The following DCAF17 variants were observed in gnomAD, a reference collection of about 807,000 sequenced individuals.
DCAF17 encodes the protein DDB1 and CUL4 associated factor 17, also known as DDB1- and CUL4-associated factor 17.
In DCAF17, 48 loss-of-function variants were observed where a neutral mutation model predicts 66.0. That is an observed-to-expected ratio of 0.73 (90% CI 0.58 to 0.92). The LOEUF (loss-of-function observed/expected upper bound fraction) is 0.92. DCAF17 is among the 40% of genes least tolerant of loss of function. The probability of loss-of-function intolerance (pLI) is 0.00; values close to 1 mark genes in which losing one functional copy is unlikely to be tolerated. For missense variants in DCAF17, 562 were observed against 622.8 expected (o/e 0.90, Z 1.04); for synonymous variants, 206 against 214.6 (o/e 0.96, Z 0.35).
rs535795872 is a variant in DCAF17 at position 171,479,831 on chromosome 2, A to T, written c.1267-207A>T. On this transcript the variant is annotated intron_variant, in intron 12 of 13. Coordinates refer to ENST00000375255, the MANE Select transcript of DCAF17 (RefSeq NM_025000.4). ...TGGTTTTGTTTATCAAATCTGTAGG[A>T]TACTGCTTAACTCTTGAAAATCTTG... The T allele has an allele frequency of 3.7e-4, 202 of 546,408 alleles. 1 individual carries two copies. The highest frequency in any genetic ancestry group is 1.5e-3 in the Middle Eastern group (3 of 1,948). 33.8% of individuals were successfully genotyped at this position (546,408 alleles called of 1,614,324 possible).
chr2:171,434,449 C>G lies in DCAF17; in HGVS notation c.-129C>G. 1 of 1,482,962 alleles carries G rather than the reference C, an allele frequency of 6.7e-7. No individual in the cohort carries two copies. Among genetic ancestry groups the G allele is most frequent in the Non-Finnish European group, 9.1e-7 (1 of 1,104,246 alleles). The allele number at this position is 1,482,962 out of a possible 1,614,324, so 91.9% of individuals were successfully genotyped here. A position where few individuals can be genotyped will look rare whatever the true frequency, so the allele number is the denominator to read the frequency against. On this transcript the variant is annotated 5_prime_UTR_variant, in exon 1 of 14. Coordinates refer to ENST00000375255, the MANE Select transcript of DCAF17 (RefSeq NM_025000.4). ...GTGCTCCCTGCCCGCCTCCCCGTGT[C>G]AGCTTTCCCTGGGCCCCGCCGGGAA...
At chr2:171,457,942 C>A in intron 6 of DCAF17, 29 bp from the exon 7 acceptor site, 1 of 1,540,528 alleles carries the variant, frequency 6.5e-7, no homozygotes, top group Non-Finnish European at 9.0e-7. Flanking sequence ...AGTCTTTTCT[C>A]AGGTGATATC....
chr2:171,483,040 T>G lies in DCAF17; in HGVS notation c.*1926T>G, dbSNP rs1416173126. ...GCTTAGTTTCAGCCAGTTGCAACAG[T>G]ATGTGGGAATGTAGGCTGCATGGTT... On this transcript the variant is annotated 3_prime_UTR_variant, in exon 14 of 14. Coordinates refer to ENST00000375255, the MANE Select transcript of DCAF17 (RefSeq NM_025000.4). 1 of 454,060 alleles carries G rather than the reference T, an allele frequency of 2.2e-6. No homozygotes were observed. The highest frequency in any genetic ancestry group is 4.4e-6 in the Non-Finnish European group (1 of 226,786). 28.1% of individuals were successfully genotyped at this position (454,060 alleles called of 1,614,324 possible).
chr2:171,443,676 A>G, intron 3 of DCAF17, 63 bp downstream of exon 3: 1 of 1,314,966 alleles, frequency 7.6e-7, no homozygotes, highest in South Asian at 1.2e-5. Flanking sequence ...ACCAGTTATT[A>G]TTAACATATT....
intron 1 of DCAF17, 108 bp from the exon 2 acceptor site, chr2:171,434,975 C>A: frequency 9.2e-7 from 1 of 1,091,628 alleles, no homozygotes; most frequent in Non-Finnish European, 1.3e-6. Context: ...AGGAAGGATG[C>A]AAAAAGTTTT....
rs182233059 is a variant in DCAF17, at chr2:171,438,078, A to G, written c.230+2892A>G. Among the ~76,000 whole-genome samples the G allele has an allele frequency of 3.0e-3, 459 of 152,316 alleles. 2 individuals carry two copies. Among genetic ancestry groups the G allele is most frequent in the Non-Finnish European group, 3.3e-3 (227 of 68,016 alleles). On this transcript the variant is annotated intron_variant, in intron 2 of 13. Transcript: ENST00000375255. ...TTGTATGTGCATTTTCATTTAGTTC[A>G]GAATATTTTTAAATTTCTCCTGGGA...
chr2:171,453,347 T>C (rs1695064571), intron 6 of DCAF17, 134 bp downstream of exon 6: 2 of 653,404 alleles, frequency 3.1e-6, no homozygotes, highest in African/African-American at 3.7e-5. Flanking sequence ...TGGTTTATTT[T>C]GTAACAAAAT....
rs1458534754 is a variant in DCAF17, at chr2:171,434,457, C to T, written c.-121C>T. 1.2e-5 allele frequency: 18 copies of T among 1,503,350 alleles called. No individual in the cohort carries two copies. The South Asian group carries it at 2.1e-4, about 17-fold the overall frequency. The allele number at this position is 1,503,350 out of a possible 1,614,324, so 93.1% of individuals were successfully genotyped here. On this transcript the variant is annotated 5_prime_UTR_variant, in exon 1 of 14. Transcript: ENST00000375255. ...TGCCCGCCTCCCCGTGTCAGCTTTC[C>T]CTGGGCCCCGCCGGGAAAGTCTGGG... is the stretch of plus-strand genomic sequence containing the variant.
chr2:171,452,997 T>A, intron 5 of DCAF17, 127 bp from the exon 6 acceptor site: 1 of 579,276 alleles, frequency 1.7e-6, no homozygotes. Flanking sequence ...GATAGATGGT[T>A]GTTTTCATAA....
chr2:171,472,478 C>T (rs1455428888), intron 9 of DCAF17, among the ~76,000 whole-genome samples: 2 of 152,180 alleles, frequency 1.3e-5, no homozygotes, highest in African/African-American at 4.8e-5. Flanking sequence ...TGCCCCCGGC[C>T]GATTAACACT....
intron 2 of DCAF17, 139 bp from the exon 3 acceptor site, chr2:171,443,384 A>G: frequency 1.6e-6 from 1 of 629,222 alleles, no homozygotes; most frequent in South Asian, 2.0e-5. Flanking sequence ...AGAAAAAAAT[A>G]TTAATATTTA....
chr2:171,437,512 A>T (rs1694043420), intron 2 of DCAF17, among the ~76,000 whole-genome samples: 1 of 152,060 alleles, frequency 6.6e-6, no homozygotes, highest in Non-Finnish European at 1.5e-5. Context: ...TTCTTCTTTA[A>T]ATGCTTGGTG....
At chr2:171,462,232 A>G (rs1178761690) in intron 8 of DCAF17, among the ~76,000 whole-genome samples, 5 of 152,188 alleles carry the variant, frequency 3.3e-5, no homozygotes, top group African/African-American at 1.2e-4. Context: ...ATTTGATTAT[A>G]TAAAAATAAA....
At chr2:171,465,512 GT>G (rs1695848345) in intron 8 of DCAF17, among the ~76,000 whole-genome samples, 1 of 151,962 alleles carries the variant, frequency 6.6e-6, no homozygotes, top group Non-Finnish European at 1.5e-5. Context: ...TGTTTTGAGA[GT>G]TTTGCTGTCA....
rs549364274 is a variant in DCAF17 at position 171,483,271 on chromosome 2, C to T, written c.*2157C>T. 1.3e-4 allele frequency: 59 copies of T among 454,046 alleles called. No individual in the cohort carries two copies. Among genetic ancestry groups the T allele is most frequent in the African/African-American group, 8.6e-4 (43 of 50,086 alleles). The allele number at this position is 454,046 out of a possible 1,614,324, so 28.1% of individuals were successfully genotyped here. A position where few individuals can be genotyped will look rare whatever the true frequency, so the allele number is the denominator to read the frequency against. On this transcript the variant is annotated 3_prime_UTR_variant, in exon 14 of 14. Transcript: ENST00000375255. ...CCCCTCTTTACCTGATATTTTAATTCGAGACTCTAGCTACATGCCCACCTA... is the reference window on the plus strand; with the variant it reads ...CCCCTCTTTACCTGATATTTTAATTTGAGACTCTAGCTACATGCCCACCTA...
intron 2 of DCAF17, among the ~76,000 whole-genome samples, chr2:171,437,786 A>G (rs1187644307): frequency 6.6e-6 from 1 of 152,098 alleles, no homozygotes; most frequent in Non-Finnish European, 1.5e-5. Context: ...CATATTAGTA[A>G]TCAATTTTGT....
chr2:171,466,663 C>CTTTTGGG (rs2105790245), intron 8 of DCAF17, among the ~76,000 whole-genome samples: 1 of 149,846 alleles, frequency 6.7e-6, no homozygotes, highest in Non-Finnish European at 1.5e-5. Flanking sequence ...AATAGTGCTA[C>CTTTTGGG]TTTTGGGTCA....
At chr2:171,458,972 G>C (rs888716767) in intron 8 of DCAF17, among the ~76,000 whole-genome samples, 1 of 152,082 alleles carries the variant, frequency 6.6e-6, no homozygotes, top group African/African-American at 2.4e-5. Flanking sequence ...TATAAATATA[G>C]TAAAAATGTT....
intron 13 of DCAF17, 30 bp downstream of exon 13, chr2:171,480,223 T>G: frequency 6.2e-7 from 1 of 1,610,600 alleles, no homozygotes; most frequent in Non-Finnish European, 8.5e-7. Flanking sequence ...TACAAAGTTG[T>G]AAACCTTTCC....
Sources: allele counts gnomAD v4.1 joint callset (sites outside exome capture counted in the v4.1 genomes callset), GRCh38; gene constraint gnomAD v4.1.1; transcripts MANE v1.5; gene names NCBI Gene and HGNC (gene_info 2026-07-23, HGNC 2026-07-21).